Variants in NOL7 observed in about 807,000 individuals in gnomAD.
The protein encoded by NOL7 is U3 small nucleolar RNA-associated protein NOL7.
In NOL7, 36 loss-of-function variants were observed where a neutral mutation model predicts 38.4. The observed-to-expected ratio is 0.94, with a 90% CI of 0.72 to 1.24. The LOEUF is 1.24. Ranked by LOEUF, NOL7 falls within the 50% of genes most tolerant of loss-of-function variation. The probability of loss-of-function intolerance (pLI) is 0.00; values close to 1 mark genes in which losing one functional copy is unlikely to be tolerated. For missense variants in NOL7, 350 were observed against 315.1 expected, an observed-to-expected ratio of 1.11 and a Z score of -0.84; for synonymous variants, 142 against 126.5, an observed-to-expected ratio of 1.12 and a Z score of -0.82.
At chr6:13,622,093 A>T, downstream of NOL7, 1 of 211,900 alleles carries the variant, frequency 4.7e-6, no homozygotes, top group Non-Finnish European at 9.0e-6. Context: ...TAATTGTTTT[A>T]AAGGATTTGT....
At chr6:13,620,148 GA>G (rs375083758) in intron 5 of NOL7, 59 bp from the exon 6 acceptor site, 1,390 of 1,360,362 alleles carry the variant, frequency 1.0e-3, no homozygotes, top group East Asian at 4.8e-3. Context: ...GTCTCAGGAA[GA>G]AAAAAAAAAG....
intron 8 of NOL7, among the ~76,000 whole-genome samples, chr6:13,629,917 C>G (rs566207803): frequency 0.019 from 2,401 of 124,502 alleles, 21 homozygotes; most frequent in African/African-American, 0.03. Context: ...CTCTCTCTCT[C>G]TCTCGTGTGT....
At chr6:13,625,692 T>C (rs1156408618), downstream of NOL7, 5 of 1,613,062 alleles carry the variant, frequency 3.1e-6, no homozygotes, top group Non-Finnish European at 4.2e-6. Context: ...ACAGGTTCTC[T>C]CTGAATCGGG....
chr6:13,620,394 C>T lies in NOL7; in HGVS notation c.623-14C>T. On this transcript the variant is annotated splice_polypyrimidine_tract_variant and intron_variant, in intron 6 of 7. Transcript: ENST00000451315. ...AAATAAAACTGTGAAATGATAAATA[C>T]CTTTCTTTTCTAGTAAATAAGTTCC... The T allele has an allele frequency of 2.5e-6, 4 of 1,613,670 alleles. No homozygotes were observed. The highest frequency in any genetic ancestry group is 3.4e-6 in the Non-Finnish European group (4 of 1,179,758).
Position 13,620,830 on chromosome 6 carries a change from C to A in NOL7, c.*3C>A. ...GAAAGATGAAAACTAAGAAGTAAAT[C>A]AATGCTAAATGAAGAATCTGTACTT... On this transcript the variant is annotated 3_prime_UTR_variant, in exon 8 of 8. Coordinates refer to ENST00000451315, the MANE Select transcript of NOL7 (RefSeq NM_016167.5). 1 of 1,553,292 alleles carries A rather than the reference C, an allele frequency of 6.4e-7. No homozygotes were observed. The highest frequency in any genetic ancestry group is 8.8e-7 in the Non-Finnish European group (1 of 1,134,388).
Position 13,620,410 on chromosome 6 carries a change from A to G in NOL7, c.625A>G (p.Asn209Asp). Reference sequence around the variant, plus strand: ...TGATAAATACCTTTCTTTTCTAGTAAATAAGTTCCTGTCTCTTGCCAACAA... The same window carrying G: ...TGATAAATACCTTTCTTTTCTAGTAGATAAGTTCCTGTCTCTTGCCAACAA... ...YGPGTNRTTV[N>D]KFLSLANKRL... Residue 209 changes from asparagine to aspartate, a missense_variant and splice_region_variant, in exon 7 of 8, where the codon AAT becomes GAT. Physicochemically the swap from Asn to Asp is conservative, Grantham distance 23 (BLOSUM62 1). Transcript: ENST00000451315. 1 of 1,614,090 alleles carries G rather than the reference A, an allele frequency of 6.2e-7. No individual in the cohort carries two copies. Among genetic ancestry groups the G allele is most frequent in the Non-Finnish European group, 8.5e-7 (1 of 1,179,992 alleles).
At chr6:13,628,222 A>C (rs932427570) in intron 8 of NOL7, among the ~76,000 whole-genome samples, 1 of 152,184 alleles carries the variant, frequency 6.6e-6, no homozygotes, top group African/African-American at 2.4e-5. Flanking sequence ...AAGAAGAAAA[A>C]ACATCTAAAA....
Position 13,618,967 on chromosome 6 carries a change from C to A in NOL7, c.500+828C>A, listed in dbSNP as rs374833216. ...CTTTGCAGGTCCTGCAGGTTAAGTTCAAAAACTTTTTTTTAGTGGTTTTAT... is the reference window on the plus strand; with the variant it reads ...CTTTGCAGGTCCTGCAGGTTAAGTTAAAAAACTTTTTTTTAGTGGTTTTAT... On this transcript the variant is annotated intron_variant, in intron 5 of 7. Transcript: ENST00000451315. Among the ~76,000 whole-genome samples, 11 of 152,236 alleles carry A rather than the reference C, an allele frequency of 7.2e-5. 1 individual carries two copies. Among genetic ancestry groups the A allele is most frequent in the African/African-American group, 2.6e-4 (11 of 41,550 alleles).
chr6:13,615,847 G>A, intron 2 of NOL7, 75 bp downstream of exon 2: 2 of 1,449,344 alleles, frequency 1.4e-6, no homozygotes, highest in South Asian at 1.3e-5. Flanking sequence ...ATGTAATTTG[G>A]GTTGGCAGGA....
intron 2 of NOL7, among the ~76,000 whole-genome samples, chr6:13,616,141 G>A (rs1041508329): frequency 6.6e-6 from 1 of 152,238 alleles, no homozygotes; most frequent in Non-Finnish European, 1.5e-5. Flanking sequence ...TACAGACTTA[G>A]TGTATGGTTG....
At chr6:13,616,328 A>G (rs1258532733) in intron 2 of NOL7, 135 bp from the exon 3 acceptor site, 1 of 583,400 alleles carries the variant, frequency 1.7e-6, no homozygotes, top group African/African-American at 1.9e-5. Flanking sequence ...GCTTAGAGGT[A>G]TGGGGGCAGT....
chr6:13,629,245 G>C (rs1264198377), intron 8 of NOL7, among the ~76,000 whole-genome samples: 1 of 152,042 alleles, frequency 6.6e-6, no homozygotes, highest in East Asian at 1.9e-4. Flanking sequence ...CAAAGTGTTG[G>C]GATTACAGAT....
At chr6:13,627,631 A>AC in intron 8 of NOL7, among the ~76,000 whole-genome samples, 1 of 103,764 alleles carries the variant, frequency 9.6e-6, no homozygotes, top group Non-Finnish European at 2.1e-5. Context: ...CTCCATCTCC[A>AC]AAAAAAAAAA....
intron 8 of NOL7, among the ~76,000 whole-genome samples, chr6:13,628,377 A>C (rs1461627134): frequency 6.6e-6 from 1 of 152,226 alleles, no homozygotes; most frequent in Non-Finnish European, 1.5e-5. Flanking sequence ...TATTGACTTA[A>C]TACATGCAAA....
chr6:13,618,215 A>ATATTT (rs550357639), intron 5 of NOL7, 76 bp downstream of exon 5: 37 of 509,298 alleles, frequency 7.3e-5, no homozygotes, highest in African/African-American at 3.6e-4. Flanking sequence ...ACATGGGAAA[A>ATATTT]TATTTTATTT....
chr6:13,620,251 C>G lies in NOL7; in HGVS notation c.544C>G (p.Leu182Val), dbSNP rs1764405054. ...YLAVRLKDQDLRDSRQQAAQA... is the reference protein window; with the variant it reads ...YLAVRLKDQDVRDSRQQAAQA... ...GGCCGTAAGGCTAAAAGACCAAGAT[C>G]TGAGAGATTCAAGGCAACAAGCAGC... The change falls in exon 6 of 8, where the codon CTG (leucine) becomes GTG (valine). Residue 182 changes from leucine to valine, a missense_variant. Coordinates refer to ENST00000451315, the MANE Select transcript of NOL7 (RefSeq NM_016167.5). 6.2e-7 allele frequency: 1 copy of G among 1,614,024 alleles called. No homozygotes were observed. Among genetic ancestry groups the G allele is most frequent in the Non-Finnish European group, 8.5e-7 (1 of 1,179,990 alleles).
intron 5 of NOL7, among the ~76,000 whole-genome samples, chr6:13,619,091 T>C (rs1015608964): frequency 6.6e-6 from 1 of 152,252 alleles, no homozygotes; most frequent in African/African-American, 2.4e-5. Flanking sequence ...CAGCCTACTC[T>C]TATTCAGGCA....
At chr6:13,618,918 A>G (rs1764360607) in intron 5 of NOL7, among the ~76,000 whole-genome samples, 1 of 152,242 alleles carries the variant, frequency 6.6e-6, no homozygotes, top group Non-Finnish European at 1.5e-5. Flanking sequence ...TCATAAAAAA[A>G]TAAAGATCAG....
chr6:13,623,091 ATGCC>A (rs1764500110), downstream of NOL7, among the ~76,000 whole-genome samples: 1 of 152,212 alleles, frequency 6.6e-6, no homozygotes, highest in Non-Finnish European at 1.5e-5. Context: ...ATTTAAAAAA[ATGCC>A]AATAAATTTT....
Sources: gnomAD v4.1 joint callset for allele counts (sites outside exome capture counted in the v4.1 genomes callset) on GRCh38, gnomAD v4.1.1 for gene constraint, MANE v1.5 for transcripts, NCBI Gene and HGNC (gene_info 2026-07-23, HGNC 2026-07-21) for gene names.